Variants in EPM2A observed in about 807,000 individuals in gnomAD.
The protein encoded by EPM2A is EPM2A glucan phosphatase, laforin.
Under a neutral mutation model 26.5 loss-of-function variants are expected in EPM2A, and 21 were observed. The observed-to-expected ratio is 0.79, with a 90% confidence interval of 0.56 to 1.14. The LOEUF is 1.14. Ranked by LOEUF, EPM2A falls within the 50% of genes most tolerant of loss-of-function variation. The pLI is 0.00. For synonymous variants in EPM2A, 217 were observed against 177.6 expected, an observed-to-expected ratio of 1.22 and a Z score of -1.76; for missense variants, 458 against 440.8, an observed-to-expected ratio of 1.04 and a Z score of -0.35.
At chr6:145,485,218 G>T (rs1562353575) in intron 4 of EPM2A, among the ~76,000 whole-genome samples, 1 of 152,020 alleles carries the variant, frequency 6.6e-6, no homozygotes, top group Non-Finnish European at 1.5e-5. Flanking sequence ...AGAAGGAATG[G>T]TGAGAGTGAA....
chr6:145,701,503 G>A (rs1781907280), intron 1 of EPM2A, among the ~76,000 whole-genome samples: 2 of 152,142 alleles, frequency 1.3e-5, no homozygotes, highest in Non-Finnish European at 2.9e-5. Flanking sequence ...CATGAGAAAA[G>A]CAAAAGCATT....
At chr6:145,725,293 C>T (rs188930114) in intron 1 of EPM2A, among the ~76,000 whole-genome samples, 24 of 152,120 alleles carry the variant, frequency 1.6e-4, no homozygotes, top group Admixed American at 3.3e-4. Context: ...CTAACAACAT[C>T]GACACTGATG....
chr6:145,539,869 T>C (rs945228177), intron 2 of EPM2A, among the ~76,000 whole-genome samples: 6 of 152,142 alleles, frequency 3.9e-5, no homozygotes, highest in African/African-American at 1.2e-4. Flanking sequence ...AAACAATCCA[T>C]GGTCCACACC....
At chr6:145,677,334 T>C (rs1342475951) in intron 2 of EPM2A, among the ~76,000 whole-genome samples, 1 of 152,188 alleles carries the variant, frequency 6.6e-6, no homozygotes, top group Admixed American at 6.5e-5. Flanking sequence ...TTATACTGAA[T>C]GGGCAAAAAT....
At chr6:145,551,534 A>C (rs2114804556) in intron 2 of EPM2A, among the ~76,000 whole-genome samples, 1 of 152,138 alleles carries the variant, frequency 6.6e-6, no homozygotes, top group South Asian at 2.1e-4. Flanking sequence ...AAATACATAT[A>C]CTCTGAGGAT....
At chr6:145,540,212 T>G (rs920490807) in intron 2 of EPM2A, among the ~76,000 whole-genome samples, 4 of 152,212 alleles carry the variant, frequency 2.6e-5, no homozygotes, top group Non-Finnish European at 5.9e-5. Flanking sequence ...TCTGTTGCCC[T>G]TGCTGTATCT....
At chr6:145,677,984 A>G (rs1215063864) in intron 2 of EPM2A, among the ~76,000 whole-genome samples, 2 of 152,198 alleles carry the variant, frequency 1.3e-5, no homozygotes, top group Non-Finnish European at 2.9e-5. Context: ...AATCATAAGC[A>G]AAAAGACCAA....
intron 2 of EPM2A, among the ~76,000 whole-genome samples, chr6:145,561,045 A>G (rs1430675861): frequency 6.6e-6 from 1 of 152,060 alleles, no homozygotes; most frequent in Non-Finnish European, 1.5e-5. Context: ...TATATAGTAC[A>G]TATACTGTAG....
intron 1 of EPM2A, among the ~76,000 whole-genome samples, chr6:145,709,977 T>C (rs1013256463): frequency 1.3e-5 from 2 of 152,168 alleles, no homozygotes; most frequent in African/African-American, 4.8e-5. Context: ...CAAGATGGAT[T>C]AAAAACTTAA....
chr6:145,727,896 T>C (rs992856834), intron 1 of EPM2A, among the ~76,000 whole-genome samples: 1 of 152,210 alleles, frequency 6.6e-6, no homozygotes, highest in Admixed American at 6.5e-5. Flanking sequence ...TCCCCAATGT[T>C]GAAGGAGGGG....
chr6:145,683,308 A>AGT (rs58792174), intron 2 of EPM2A, among the ~76,000 whole-genome samples: 3 of 135,722 alleles, frequency 2.2e-5, no homozygotes, highest in Non-Finnish European at 4.8e-5. Context: ...TGTGTGTGTG[A>AGT]GTGTGTATAT....
rs1562408145 is a variant in EPM2A, at chr6:145,625,459, A to G, written c.*1957T>C. ...CAGAGCAAAAGGAACAAAGGTAAAA[A>G]TCCACCTGAAAAAAGATCTTTGTAT... On this transcript the variant is annotated 3_prime_UTR_variant, in exon 4 of 4. Coordinates refer to ENST00000367519, the MANE Select transcript of EPM2A (RefSeq NM_005670.4). 2.0e-6 allele frequency: 1 copy of G among 508,920 alleles called. No homozygotes were observed. The highest frequency in any genetic ancestry group is 3.3e-5 in the Admixed American group (1 of 30,458). The allele number at this position is 508,920 out of a possible 1,614,324, so 31.5% of individuals were successfully genotyped here.
intron 4 of EPM2A, among the ~76,000 whole-genome samples, chr6:145,448,250 CATTT>C (rs1296735367): frequency 1.3e-5 from 2 of 152,048 alleles, no homozygotes; most frequent in African/African-American, 4.8e-5. Flanking sequence ...AGTATTCCTT[CATTT>C]GTCATTGGTT....
chr6:145,683,537 C>T (rs73782053), intron 2 of EPM2A, among the ~76,000 whole-genome samples: 10,150 of 151,918 alleles, frequency 0.067, 1,139 homozygotes, highest in African/African-American at 0.23. Flanking sequence ...AATAAAGAAA[C>T]GTACGCTTTC....
chr6:145,490,514 C>A, intron 4 of EPM2A: 1 of 719,294 alleles, frequency 1.4e-6, no homozygotes, highest in Non-Finnish European at 2.6e-6. Flanking sequence ...AACTGCTTCT[C>A]ACAGTACTGA....
chr6:145,586,621 A>T (rs993949992), intron 2 of EPM2A, among the ~76,000 whole-genome samples: 1 of 152,188 alleles, frequency 6.6e-6, no homozygotes, highest in Non-Finnish European at 1.5e-5. Flanking sequence ...TTGAAGGTAA[A>T]GTGATATGGG....
At chr6:145,693,064 G>C (rs1781373423) in intron 1 of EPM2A, among the ~76,000 whole-genome samples, 1 of 151,884 alleles carries the variant, frequency 6.6e-6, no homozygotes, top group Non-Finnish European at 1.5e-5. Flanking sequence ...ATTTTTCTAT[G>C]TGTTTGTGTC....
At chr6:145,708,084 G>A (rs532716294) in intron 1 of EPM2A, among the ~76,000 whole-genome samples, 32 of 152,174 alleles carry the variant, frequency 2.1e-4, no homozygotes, top group Non-Finnish European at 4.1e-4. Context: ...CACCATTTGG[G>A]CCCTGCCCTA....
chr6:145,579,980 CTT>C (rs1781090606), intron 2 of EPM2A, among the ~76,000 whole-genome samples: 2 of 152,066 alleles, frequency 1.3e-5, no homozygotes, highest in Non-Finnish European at 2.9e-5. Context: ...TTTCATTTCT[CTT>C]GTGTTTACCT....
Sources: gnomAD v4.1 joint callset for allele counts (sites outside exome capture counted in the v4.1 genomes callset) on GRCh38, gnomAD v4.1.1 for gene constraint, MANE v1.5 for transcripts, NCBI Gene and HGNC (gene_info 2026-07-23, HGNC 2026-07-21) for gene names.